The following SPINK5 variants were observed in gnomAD, a reference collection of about 807,000 sequenced individuals.
SPINK5 encodes serine protease inhibitor Kazal-type 5.
Under a neutral mutation model 151.8 loss-of-function variants are expected in SPINK5, and 125 were observed. The observed-to-expected ratio is 0.82, with a 90% CI of 0.71 to 0.96. SPINK5 has a LOEUF of 0.96. Among genes scored for constraint, SPINK5 ranks in the 40% least tolerant of loss-of-function variants. SPINK5 has a pLI of 0.00. For synonymous variants in SPINK5, 374 were observed against 395.3 expected (o/e 0.95, Z 0.64); for missense variants, 1,194 against 1,291.9 (o/e 0.92, Z 1.16).
At position 148,125,778 on chromosome 5, in the gene SPINK5, G is replaced by A. The variant is rs201942775; in HGVS notation, c.2795G>A (p.Arg932Lys). 2.3e-4 allele frequency: 367 copies of A among 1,614,180 alleles called. No homozygotes were observed. In the African/African-American group the frequency reaches 4.4e-3, roughly 19 times the overall value. Residue 932 changes from arginine (R) to lysine (K), a missense_variant, in exon 29 of 33, where the codon AGA becomes AAA. Transcript: ENST00000256084. ...AGGAACAATGAACTCATCTGCCCTA[G>A]AGAGAATGACCCAGTGCACGGTGCT... ...YIRNNELICPRENDPVHGADG... is the reference protein window; with the variant it reads ...YIRNNELICPKENDPVHGADG...
intron 28 of SPINK5, chr5:148,125,503 A>G (rs988129839): frequency 3.7e-6 from 6 of 1,606,918 alleles, no homozygotes; most frequent in African/African-American, 2.7e-5. Context: ...GTGTTGTTTT[A>G]TGTTTCCCTA....
chr5:148,067,212 T>C (rs1752608135), intron 2 of SPINK5, among the ~76,000 whole-genome samples: 1 of 152,162 alleles, frequency 6.6e-6, no homozygotes, highest in Non-Finnish European at 1.5e-5. Flanking sequence ...TGGCAGCTCC[T>C]GGAGGGTTTT....
At chr5:148,126,151 A>G (rs1389527033) in intron 29 of SPINK5, among the ~76,000 whole-genome samples, 1 of 152,196 alleles carries the variant, frequency 6.6e-6, no homozygotes, top group African/African-American at 2.4e-5. Context: ...CCACAACTAG[A>G]TCAGACTCAA....
chr5:148,103,853 C>T (rs548311386), intron 15 of SPINK5, among the ~76,000 whole-genome samples: 10 of 152,174 alleles, frequency 6.6e-5, no homozygotes, highest in South Asian at 2.1e-4. Context: ...TTGATTGGGA[C>T]ACATTAAAAC....
Position 148,107,171 on chromosome 5 carries a change from G to T in SPINK5, c.1607+7G>T, listed in dbSNP as rs541432320. 268 of 1,610,904 alleles carry T rather than the reference G, an allele frequency of 1.7e-4. 2 individuals are homozygous for T. The South Asian group carries it at 2.0e-3, about 12-fold the overall frequency. The stretch of plus-strand genomic sequence containing the variant: ...CCATGTGTGCCAGTGTGTTGTGAGT[G>T]TCCACCCCATCTCTCCCACTGAATT... On this transcript the variant is annotated splice_region_variant and intron_variant, in intron 17 of 32. Coordinates refer to ENST00000256084, the MANE Select transcript of SPINK5 (RefSeq NM_006846.4).
At chr5:148,081,637 A>G (rs1468082225) in intron 4 of SPINK5, among the ~76,000 whole-genome samples, 3 of 151,644 alleles carry the variant, frequency 2.0e-5, no homozygotes, top group African/African-American at 7.3e-5. Context: ...ACTGTACACA[A>G]GCACAGGGGA....
At chr5:148,126,943 C>T (rs1754446435) in intron 29 of SPINK5, 40 bp from the exon 30 acceptor site, 3 of 1,488,590 alleles carry the variant, frequency 2.0e-6, no homozygotes, top group Non-Finnish European at 2.8e-6. Flanking sequence ...GTTATAGGAA[C>T]TGTTTCTTAT....
intron 15 of SPINK5, among the ~76,000 whole-genome samples, chr5:148,102,646 T>C (rs1282324592): frequency 6.6e-6 from 1 of 152,180 alleles, no homozygotes. Flanking sequence ...TTTAGTTTTA[T>C]GAAAACATTA....
intron 4 of SPINK5, among the ~76,000 whole-genome samples, chr5:148,074,909 TTTA>T (rs1406895464): frequency 8.6e-5 from 13 of 151,900 alleles, no homozygotes; most frequent in Non-Finnish European, 2.9e-5. Flanking sequence ...TATTTTGTTT[TTTA>T]TTGTGTTTTA....
At chr5:148,070,229 A>G in intron 2 of SPINK5, 94 bp from the exon 3 acceptor site, 3 of 1,437,396 alleles carry the variant, frequency 2.1e-6, no homozygotes, top group South Asian at 1.2e-5. Flanking sequence ...GTGTATATAT[A>G]TGCAGACATA....
chr5:148,064,817 T>C (rs1752535393), intron 1 of SPINK5, among the ~76,000 whole-genome samples: 1 of 152,074 alleles, frequency 6.6e-6, no homozygotes, highest in Admixed American at 6.6e-5. Context: ...AATGAGAGAG[T>C]ATAATAGCCT....
chr5:148,123,021 G>C (rs924860490), intron 26 of SPINK5, among the ~76,000 whole-genome samples: 1 of 151,900 alleles, frequency 6.6e-6, no homozygotes, highest in Non-Finnish European at 1.5e-5. Context: ...TAGGGAGACA[G>C]GTTTGGGGCT....
At position 148,116,477 on chromosome 5, in the gene SPINK5, C is replaced by T. The variant is rs764942556; in HGVS notation, c.2112+11C>T. On this transcript the variant is annotated intron_variant, in intron 22 of 32. Coordinates refer to ENST00000256084, the MANE Select transcript of SPINK5 (RefSeq NM_006846.4). Reference sequence around the variant, plus strand: ...GGAGGAAACACTCAGGTGAGAGCAACCTCTAATTTCAGTAACTGGGGCGGG... The same window carrying T: ...GGAGGAAACACTCAGGTGAGAGCAATCTCTAATTTCAGTAACTGGGGCGGG... 2 of 1,613,664 alleles carry T rather than the reference C, an allele frequency of 1.2e-6. No homozygotes were observed. The highest frequency in any genetic ancestry group is 1.1e-5 in the South Asian group (1 of 91,066).
intron 26 of SPINK5, among the ~76,000 whole-genome samples, chr5:148,122,755 G>T (rs1754303174): frequency 6.6e-6 from 1 of 151,744 alleles, no homozygotes; most frequent in Non-Finnish European, 1.5e-5. Context: ...ATAGCTCTGA[G>T]ATTTATTTTT....
At position 148,111,817 on chromosome 5, in the gene SPINK5, G is replaced by C. The variant is rs1325786808; in HGVS notation, c.1742G>C (p.Cys581Ser). 6.2e-7 allele frequency: 1 copy of C among 1,613,964 alleles called. No homozygotes were observed. The highest frequency in any genetic ancestry group is 1.7e-5 in the Admixed American group (1 of 59,990). The change falls in exon 19 of 33, where the codon TGT (cysteine) becomes TCT (serine). Residue 581 changes from cysteine to serine, a missense_variant. By Grantham distance (112) the Cys-to-Ser change is moderately radical. Transcript: ENST00000256084. ...RHYVRNGRLP[C>S]TRENDPIEGL... Reference sequence around the variant, plus strand: ...TATGTGAGGAATGGACGACTCCCCTGTACCAGAGAGAATGATCCTATTGAG... The same window carrying C: ...TATGTGAGGAATGGACGACTCCCCTCTACCAGAGAGAATGATCCTATTGAG...
At chr5:148,121,354 G>A (rs1467353444) in intron 26 of SPINK5, among the ~76,000 whole-genome samples, 3 of 151,580 alleles carry the variant, frequency 2.0e-5, no homozygotes, top group Non-Finnish European at 2.9e-5. Context: ...GATAAATAGC[G>A]AAATTTCCCT....
chr5:148,094,505 A>G, intron 9 of SPINK5, 24 bp downstream of exon 9: 1 of 1,611,686 alleles, frequency 6.2e-7, no homozygotes, highest in Admixed American at 1.7e-5. Flanking sequence ...TGGTTTTTTC[A>G]GAGTGATTCA....
Position 148,125,907 on chromosome 5 carries a change from A to G in SPINK5, c.2867+57A>G. ...TAGCAGGGGAACTGCATTTTTAGAA[A>G]CTGCTGCTTGAATAAGTTTGTATAT... On this transcript the variant is annotated intron_variant, in intron 29 of 32. Transcript: ENST00000256084. The G allele has an allele frequency of 1.9e-6, 3 of 1,612,274 alleles. No individual in the cohort carries two copies. In the South Asian group the frequency reaches 3.3e-5, roughly 18 times the overall value.
chr5:148,136,404 G>A (rs373337785), intron 32 of SPINK5, among the ~76,000 whole-genome samples: 9 of 152,206 alleles, frequency 5.9e-5, no homozygotes, highest in African/African-American at 1.9e-4. Context: ...AGTGCTGCTC[G>A]TGCCCCAGGT....
Sources: allele counts gnomAD v4.1 joint callset (sites outside exome capture counted in the v4.1 genomes callset), GRCh38; gene constraint gnomAD v4.1.1; transcripts MANE v1.5; gene names NCBI Gene and HGNC (gene_info 2026-07-23, HGNC 2026-07-21).